The following AHCYL2 variants were observed in gnomAD, a reference collection of about 807,000 sequenced individuals.
AHCYL2 encodes adenosylhomocysteinase like 2.
AHCYL2 carries 28 observed loss-of-function variants against 81.4 expected under a neutral mutation model. That is an observed-to-expected ratio of 0.34 (90% CI 0.25 to 0.47). AHCYL2 has a LOEUF of 0.47. Ranked by LOEUF, AHCYL2 falls within the 20% of genes least tolerant of loss-of-function variation. The pLI, the probability that AHCYL2 is intolerant of heterozygous loss-of-function variation, is 1.00. For synonymous variants in AHCYL2, 272 were observed against 290.2 expected (o/e 0.94, Z 0.64); for missense variants, 551 against 785.1 (o/e 0.70, Z 3.56).
At chr7:129,321,601 A>G (rs1405836840) in intron 1 of AHCYL2, among the ~76,000 whole-genome samples, 1 of 152,192 alleles carries the variant, frequency 6.6e-6, no homozygotes, top group Non-Finnish European at 1.5e-5. Context: ...TTAGTGAGAA[A>G]CATTAGTCTG....
chr7:129,290,565 G>A (rs1796808985), intron 1 of AHCYL2, among the ~76,000 whole-genome samples: 2 of 151,728 alleles, frequency 1.3e-5, no homozygotes, highest in African/African-American at 4.8e-5. Flanking sequence ...ACTTTCCTGT[G>A]TGAGCTGAAG....
chr7:129,411,712 T>C (rs1796587691), intron 11 of AHCYL2, among the ~76,000 whole-genome samples: 1 of 151,594 alleles, frequency 6.6e-6, no homozygotes, highest in South Asian at 2.1e-4. Context: ...TGAGCCAAGA[T>C]TGTGCCATTG....
chr7:129,243,018 C>CTTTT (rs769701638), intron 1 of AHCYL2, among the ~76,000 whole-genome samples: 12 of 125,596 alleles, frequency 9.6e-5, no homozygotes, highest in African/African-American at 2.4e-4. Context: ...TATTGTTTCT[C>CTTTT]TTTTTTTTTT....
chr7:129,268,418 G>T (rs1465001011), intron 1 of AHCYL2, among the ~76,000 whole-genome samples: 1 of 152,246 alleles, frequency 6.6e-6, no homozygotes, highest in East Asian at 1.9e-4. Context: ...CATGATCTCA[G>T]CTCACCACAA....
chr7:129,255,330 T>G (rs1795376814), intron 1 of AHCYL2, among the ~76,000 whole-genome samples: 1 of 152,144 alleles, frequency 6.6e-6, no homozygotes, highest in African/African-American at 2.4e-5. Context: ...ACCCAGTAAA[T>G]TAAAAAGTTA....
chr7:129,252,071 G>A (rs545849621), intron 1 of AHCYL2, among the ~76,000 whole-genome samples: 2 of 152,020 alleles, frequency 1.3e-5, no homozygotes, highest in African/African-American at 4.8e-5. Context: ...TCTGATTATC[G>A]AGCTGAGCCC....
At chr7:129,306,435 CT>C (rs1254686717) in intron 1 of AHCYL2, among the ~76,000 whole-genome samples, 1 of 151,968 alleles carries the variant, frequency 6.6e-6, no homozygotes, top group African/African-American at 2.4e-5. Context: ...CTGCTTTATT[CT>C]TTTTTTAATT....
chr7:129,408,866 G>A (rs1374520799), intron 10 of AHCYL2, among the ~76,000 whole-genome samples: 2 of 152,186 alleles, frequency 1.3e-5, no homozygotes, highest in Admixed American at 6.6e-5. Flanking sequence ...GGGGTATAGA[G>A]TTTTAAGAAG....
chr7:129,259,035 C>CT (rs767364499), intron 1 of AHCYL2, among the ~76,000 whole-genome samples: 30 of 152,280 alleles, frequency 2.0e-4, no homozygotes, highest in Non-Finnish European at 4.0e-4. Context: ...TTCTGAGAAA[C>CT]TAACACCAAA....
intron 1 of AHCYL2, among the ~76,000 whole-genome samples, chr7:129,243,308 C>T (rs1289635799): frequency 6.6e-6 from 1 of 152,058 alleles, no homozygotes; most frequent in Non-Finnish European, 1.5e-5. Flanking sequence ...CAGGCGTGAG[C>T]CACCATGCCC....
intron 5 of AHCYL2, among the ~76,000 whole-genome samples, chr7:129,399,885 C>T (rs970993199): frequency 3.3e-5 from 5 of 152,178 alleles, no homozygotes; most frequent in Non-Finnish European, 5.9e-5. Context: ...CACCACCACG[C>T]CCAACTAATT....
intron 3 of AHCYL2, 86 bp from the exon 4 acceptor site, chr7:129,389,548 A>G (rs1208722772): frequency 4.5e-6 from 5 of 1,113,488 alleles, no homozygotes; most frequent in Non-Finnish European, 6.4e-6. Flanking sequence ...GAAGGATCTT[A>G]ACTTAAGAAA....
chr7:129,403,345 A>C lies in AHCYL2; in HGVS notation c.919-34A>C, dbSNP rs372863954. Reference sequence around the variant, plus strand: ...GCACTGAAGCCTTGAGACTTCAGCAAAGTGAATGATGTTATTGATGCTTAC... The same window carrying C: ...GCACTGAAGCCTTGAGACTTCAGCACAGTGAATGATGTTATTGATGCTTAC... On this transcript the variant is annotated intron_variant, in intron 6 of 16. Transcript: ENST00000325006. 126 of 1,479,350 alleles carry C rather than the reference A, an allele frequency of 8.5e-5. No homozygotes were observed. In the African/African-American group the frequency reaches 1.6e-3, roughly 18 times the overall value. The allele number at this position is 1,479,350 out of a possible 1,614,324, so 91.6% of individuals were successfully genotyped here. A position where few individuals can be genotyped will look rare whatever the true frequency, so the allele number is the denominator to read the frequency against.
intron 1 of AHCYL2, among the ~76,000 whole-genome samples, chr7:129,323,685 A>T (rs577662329): frequency 6.6e-6 from 1 of 152,138 alleles, no homozygotes; most frequent in East Asian, 1.9e-4. Context: ...AGGTTTGTCT[A>T]TTCCTTTTGG....
At chr7:129,298,246 G>T (rs1055748283) in intron 1 of AHCYL2, among the ~76,000 whole-genome samples, 1 of 152,170 alleles carries the variant, frequency 6.6e-6, no homozygotes, top group African/African-American at 2.4e-5. Context: ...GTATTCACCA[G>T]CCAGCCTATT....
chr7:129,383,388 T>C (rs1217571486), intron 2 of AHCYL2, among the ~76,000 whole-genome samples: 2 of 152,004 alleles, frequency 1.3e-5, no homozygotes, highest in Admixed American at 6.6e-5. Context: ...TAGGCTGGTC[T>C]CAAACTCCTG....
rs549519206 is a variant in AHCYL2, at chr7:129,426,677, C to G, written c.1829+114C>G. 11 of 1,425,214 alleles carry G rather than the reference C, an allele frequency of 7.7e-6. No homozygotes were observed. The African/African-American group carries it at 1.4e-4, about 19-fold the overall frequency. The allele number at this position is 1,425,214 out of a possible 1,614,324, so 88.3% of individuals were successfully genotyped here. A position where few individuals can be genotyped will look rare whatever the true frequency, so the allele number is the denominator to read the frequency against. ...GCTTACATGAACTCAGAAAAATGAA[C>G]CCACTTCCCCTCACTGCCACCTTCA... On this transcript the variant is annotated intron_variant, in intron 16 of 16. Transcript: ENST00000325006. The surrounding 1 kb of genome is among the most constrained non-coding windows in gnomAD (Gnocchi z 4.3).
At position 129,410,288 on chromosome 7, in the gene AHCYL2, G is replaced by A. The variant is rs1796506020; in HGVS notation, c.1366+742G>A. ...CACATCTTCCTTCTGTTTCTTACGG[G>A]TCTCCAGGTCCTTTCGAATGTTCTC... On this transcript the variant is annotated intron_variant, in intron 11 of 16. Transcript: ENST00000325006. 5 of 1,614,076 alleles carry A rather than the reference G, an allele frequency of 3.1e-6. No individual in the cohort carries two copies. In the South Asian group the frequency reaches 4.4e-5, roughly 14 times the overall value.
chr7:129,284,130 A>G (rs986018626), intron 1 of AHCYL2, among the ~76,000 whole-genome samples: 1 of 152,180 alleles, frequency 6.6e-6, no homozygotes, highest in African/African-American at 2.4e-5. Context: ...GGGAAGTGAT[A>G]AGGACTGAAT....
Sources: gnomAD v4.1 joint callset for allele counts (sites outside exome capture counted in the v4.1 genomes callset) on GRCh38, gnomAD v4.1.1 for gene constraint, Gnocchi (gnomAD v3.1) non-coding constraint, MANE v1.5 for transcripts, NCBI Gene and HGNC (gene_info 2026-07-23, HGNC 2026-07-21) for gene names.